The following WWOX variants were observed in gnomAD, a reference collection of about 807,000 sequenced individuals.
The protein encoded by WWOX is WW domain-containing oxidoreductase.
Under a neutral mutation model 46.2 loss-of-function variants are expected in WWOX, and 69 were observed. The observed-to-expected ratio is 1.49, with a 90% CI of 1.23 to 1.82. The LOEUF (loss-of-function observed/expected upper bound fraction) is 1.82. WWOX is among the 40% of genes most tolerant of loss of function. The pLI is 0.00. For synonymous variants in WWOX, 359 were observed against 202.6 expected (o/e 1.77, Z -6.56); for missense variants, 919 against 542.6 (o/e 1.69, Z -6.89).
chr16:78,810,273 C>G (rs1415183292), intron 8 of WWOX, among the ~76,000 whole-genome samples: 1 of 152,196 alleles, frequency 6.6e-6, no homozygotes, highest in African/African-American at 2.4e-5. Context: ...GCAATTTCCA[C>G]CTGGATCTGT....
intron 6 of WWOX, among the ~76,000 whole-genome samples, chr16:78,387,595 G>A (rs2151934655): frequency 6.6e-6 from 1 of 152,104 alleles, no homozygotes; most frequent in Non-Finnish European, 1.5e-5. Context: ...AAGGGGGTGG[G>A]GAGACAGAGA....
At chr16:78,982,368 G>A (rs1167396501) in intron 8 of WWOX, among the ~76,000 whole-genome samples, 3 of 152,182 alleles carry the variant, frequency 2.0e-5, no homozygotes, top group African/African-American at 7.2e-5. Context: ...AAGAGTCATA[G>A]TACAGCGTGC....
chr16:78,183,610 A>G (rs1373858119), intron 5 of WWOX, among the ~76,000 whole-genome samples: 2 of 152,182 alleles, frequency 1.3e-5, no homozygotes, highest in Non-Finnish European at 2.9e-5. Flanking sequence ...ATTAAATGAG[A>G]TAACAGTGCC....
chr16:78,730,586 G>C (rs2048945487), intron 8 of WWOX, among the ~76,000 whole-genome samples: 1 of 150,896 alleles, frequency 6.6e-6, no homozygotes, highest in Non-Finnish European at 1.5e-5. Context: ...TAAGTAGCTG[G>C]GACCACAGGT....
At chr16:78,540,900 G>C (rs117661322) in intron 8 of WWOX, among the ~76,000 whole-genome samples, 1 of 152,092 alleles carries the variant, frequency 6.6e-6, no homozygotes, top group Non-Finnish European at 1.5e-5. Flanking sequence ...TGCCTAGGCT[G>C]ATCTAGAACT....
intron 5 of WWOX, among the ~76,000 whole-genome samples, chr16:78,297,696 T>C (rs966207386): frequency 2.9e-4 from 44 of 152,214 alleles, no homozygotes; most frequent in African/African-American, 9.9e-4. Context: ...AGCATTATTT[T>C]GTAATCTACG....
At chr16:78,132,278 A>G (rs1051335959) in intron 4 of WWOX, among the ~76,000 whole-genome samples, 17 of 149,660 alleles carry the variant, frequency 1.1e-4, no homozygotes, top group East Asian at 2.0e-4. Flanking sequence ...TGCCCACCTC[A>G]GCCTCCCAAA....
chr16:78,512,221 G>A (rs1540762), intron 8 of WWOX, among the ~76,000 whole-genome samples: 138,807 of 152,204 alleles, frequency 0.91, 63,741 homozygotes, highest in Non-Finnish European at 0.97. Flanking sequence ...ACATGGAGAA[G>A]AAACTCCCGA....
intron 8 of WWOX, among the ~76,000 whole-genome samples, chr16:79,007,952 G>A (rs1246730754): frequency 6.6e-6 from 1 of 152,170 alleles, no homozygotes; most frequent in East Asian, 1.9e-4. Context: ...ATCTCTTGCT[G>A]TGTAAGAAAT....
intron 8 of WWOX, among the ~76,000 whole-genome samples, chr16:78,452,196 G>T (rs1258323304): frequency 6.6e-6 from 1 of 152,138 alleles, no homozygotes. Context: ...CTGTAGTTCG[G>T]ACATATTTCT....
intron 8 of WWOX, among the ~76,000 whole-genome samples, chr16:78,593,752 GAGAGAC>G (rs1208743851): frequency 2.6e-5 from 4 of 151,226 alleles, no homozygotes; most frequent in Admixed American, 6.6e-5. Context: ...GAGAGAGAGA[GAGAGAC>G]TGATACACAA....
At chr16:78,236,109 A>C (rs943429503) in intron 5 of WWOX, among the ~76,000 whole-genome samples, 1 of 152,214 alleles carries the variant, frequency 6.6e-6, no homozygotes, top group Middle Eastern at 3.2e-3. Context: ...CGTGGGCCAT[A>C]GGTTGCCAGC....
intron 8 of WWOX, among the ~76,000 whole-genome samples, chr16:79,083,206 G>T (rs1186067428): frequency 6.6e-6 from 1 of 152,064 alleles, no homozygotes; most frequent in Non-Finnish European, 1.5e-5. Flanking sequence ...GGGGCACTTT[G>T]CTGCCTCCTT....
At chr16:78,585,688 T>TG (rs1597308030) in intron 8 of WWOX, among the ~76,000 whole-genome samples, 2 of 111,228 alleles carry the variant, frequency 1.8e-5, no homozygotes, top group Admixed American at 8.3e-5. Context: ...TTTTTTTTTG[T>TG]TTTTTTTTGT....
chr16:78,602,964 C>G (rs952459590), intron 8 of WWOX, among the ~76,000 whole-genome samples: 22 of 152,334 alleles, frequency 1.4e-4, no homozygotes, highest in African/African-American at 5.1e-4. Context: ...TCTCCCTGAT[C>G]AGAACCATTC....
intron 5 of WWOX, among the ~76,000 whole-genome samples, chr16:78,330,027 T>A (rs889568289): frequency 6.6e-6 from 1 of 152,226 alleles, no homozygotes; most frequent in Non-Finnish European, 1.5e-5. Flanking sequence ...AGTACTGGAT[T>A]ACAGGCATGA....
intron 5 of WWOX, among the ~76,000 whole-genome samples, chr16:78,372,571 T>A (rs2081718590): frequency 6.6e-6 from 1 of 152,198 alleles, no homozygotes; most frequent in Admixed American, 6.5e-5. Flanking sequence ...CCCTGTCCAT[T>A]ATCCTCCATG....
intron 8 of WWOX, among the ~76,000 whole-genome samples, chr16:78,508,444 A>G (rs1203274941): frequency 6.6e-6 from 1 of 151,594 alleles, no homozygotes; most frequent in Admixed American, 6.6e-5. Context: ...ACACCTGTAA[A>G]CAAAAACAAC....
chr16:78,497,832 A>C (rs1303687634), intron 8 of WWOX, among the ~76,000 whole-genome samples: 1 of 147,664 alleles, frequency 6.8e-6, no homozygotes, highest in Non-Finnish European at 1.5e-5. Flanking sequence ...TAAATGGTAG[A>C]TTATACACCG....
Sources: allele counts gnomAD v4.1 joint callset (sites outside exome capture counted in the v4.1 genomes callset), GRCh38; gene constraint gnomAD v4.1.1; transcripts MANE v1.5; gene names NCBI Gene and HGNC (gene_info 2026-07-23, HGNC 2026-07-21).